Variants in NHSL1 observed in about 807,000 individuals in gnomAD.
NHSL1 encodes NHS-like protein 1.
A neutral mutation model predicts 95.0 loss-of-function variants in NHSL1; 48 were observed. The observed-to-expected ratio is 0.51, with a 90% CI of 0.40 to 0.64. The LOEUF (loss-of-function observed/expected upper bound fraction) is 0.64. NHSL1 is among the 30% of genes least tolerant of loss of function. NHSL1 has a pLI of 0.00. For synonymous variants in NHSL1, 783 were observed against 833.9 expected (o/e 0.94, Z 1.05); for missense variants, 1,971 against 2,077.7 (o/e 0.95, Z 1.00).
intron 1 of NHSL1, among the ~76,000 whole-genome samples, chr6:138,668,461 T>C (rs1408719742): frequency 6.6e-6 from 1 of 151,880 alleles, no homozygotes; most frequent in African/African-American, 2.4e-5. Flanking sequence ...AGAAAAGAAA[T>C]TGTTTTGCTA....
chr6:138,621,714 C>T (rs879639958), intron 1 of NHSL1, among the ~76,000 whole-genome samples: 8 of 152,048 alleles, frequency 5.3e-5, no homozygotes, highest in Admixed American at 3.3e-4. Context: ...ATGATCTGTC[C>T]GCCTCAAATG....
intron 5 of NHSL1, among the ~76,000 whole-genome samples, chr6:138,438,831 C>T (rs1295244869): frequency 6.6e-6 from 1 of 151,924 alleles, no homozygotes; most frequent in African/African-American, 2.4e-5. Flanking sequence ...TTAGATGAGG[C>T]CTTTTCTGCT....
intron 3 of NHSL1, among the ~76,000 whole-genome samples, chr6:138,454,122 C>T (rs895299463): frequency 6.6e-6 from 1 of 152,150 alleles, no homozygotes; most frequent in Non-Finnish European, 1.5e-5. Flanking sequence ...CATCCCATCT[C>T]CCTACTTCCC....
Position 138,452,721 on chromosome 6 carries a change from G to C in NHSL1, c.340-5528C>G, listed in dbSNP as rs544710607. Among the ~76,000 whole-genome samples the C allele has an allele frequency of 8.5e-5, 13 of 152,280 alleles. No individual in the cohort carries two copies. The South Asian group carries it at 2.7e-3, about 32-fold the overall frequency. ...TTTCAAGATCCTTAATAGTTTCATA[G>C]GGTGCCAAAACGTCTGCAGCCTTTT... On this transcript the variant is annotated intron_variant, in intron 3 of 7. Transcript: ENST00000343505.
intron 1 of NHSL1, among the ~76,000 whole-genome samples, chr6:138,667,607 C>T (rs997739872): frequency 8.5e-5 from 13 of 152,280 alleles, no homozygotes; most frequent in Middle Eastern, 3.4e-3. Flanking sequence ...GTTTGTTCAA[C>T]CACAATGTTT....
chr6:138,457,359 CT>C (rs1375727332), intron 3 of NHSL1, among the ~76,000 whole-genome samples: 1 of 82,280 alleles, frequency 1.2e-5, no homozygotes, highest in Non-Finnish European at 2.7e-5. Flanking sequence ...AGCAAAACAT[CT>C]TTCTTCATAA....
intron 3 of NHSL1, among the ~76,000 whole-genome samples, chr6:138,453,500 G>A (rs569374378): frequency 4.1e-4 from 62 of 151,714 alleles, no homozygotes; most frequent in African/African-American, 1.4e-3. Flanking sequence ...GAGTATGGAT[G>A]TGCATCAGCG....
chr6:138,590,892 T>C (rs1378015623), intron 1 of NHSL1, among the ~76,000 whole-genome samples: 3 of 152,204 alleles, frequency 2.0e-5, no homozygotes. Context: ...AGCTTTAGTC[T>C]TTTCCTTTCC....
At chr6:138,651,825 A>G (rs1314492856) in intron 1 of NHSL1, among the ~76,000 whole-genome samples, 1 of 152,242 alleles carries the variant, frequency 6.6e-6, no homozygotes, top group East Asian at 1.9e-4. Flanking sequence ...CCAAACATAA[A>G]TGAGATCAAT....
At chr6:138,513,038 C>T (rs563987505) in intron 1 of NHSL1, among the ~76,000 whole-genome samples, 4 of 152,218 alleles carry the variant, frequency 2.6e-5, no homozygotes, top group African/African-American at 4.8e-5. Flanking sequence ...ACTTGATGTG[C>T]TATGTGTTCT....
chr6:138,505,532 G>A (rs1175666264), intron 1 of NHSL1, among the ~76,000 whole-genome samples: 1 of 151,796 alleles, frequency 6.6e-6, no homozygotes, highest in Non-Finnish European at 1.5e-5. Context: ...GCACGTGCCT[G>A]TAGTCTCAGC....
At chr6:138,674,588 C>A (rs1785424006) in intron 1 of NHSL1, among the ~76,000 whole-genome samples, 1 of 152,124 alleles carries the variant, frequency 6.6e-6, no homozygotes, top group African/African-American at 2.4e-5. Flanking sequence ...TCCACTCCTG[C>A]ATTAGTTTGC....
At chr6:138,625,413 C>T (rs1784723478) in intron 1 of NHSL1, among the ~76,000 whole-genome samples, 1 of 151,960 alleles carries the variant, frequency 6.6e-6, no homozygotes, top group Non-Finnish European at 1.5e-5. Flanking sequence ...AAAGTGTGAA[C>T]TGTTAATTTG....
rs1234584333 is a variant in NHSL1, at chr6:138,424,521, G to C, written c.4381C>G (p.Pro1461Ala). Reference sequence around the variant, plus strand: ...GGGGAGCAGCTTGACGGGCTCTCGGGGGCATCTGGGGAAGGCTCTGACCTC... The same window carrying C: ...GGGGAGCAGCTTGACGGGCTCTCGGCGGCATCTGGGGAAGGCTCTGACCTC... ...RSRSEPSPDA[P>A]ESPSSCSPSK... is the part of the protein sequence containing the mutation. Residue 1461 changes from proline to alanine, a missense_variant, in exon 8 of 8, where the codon CCC becomes GCC. Pro to Ala is a conservative substitution (Grantham distance 27). Coordinates refer to ENST00000343505, the MANE Select transcript of NHSL1 (RefSeq NM_001144060.2). The surrounding 1 kb of genome is among the most constrained non-coding windows in gnomAD (Gnocchi z 5.9). 6.4e-7 allele frequency: 1 copy of C among 1,551,660 alleles called. No homozygotes were observed. The highest frequency in any genetic ancestry group is 1.2e-5 in the South Asian group (1 of 84,048).
At chr6:138,487,714 A>G (rs1779809941) in intron 2 of NHSL1, among the ~76,000 whole-genome samples, 1 of 152,214 alleles carries the variant, frequency 6.6e-6, no homozygotes, top group African/African-American at 2.4e-5. Context: ...CTGACTTCCA[A>G]TATCCTGCAG....
intron 1 of NHSL1, among the ~76,000 whole-genome samples, chr6:138,619,594 G>A (rs986150957): frequency 6.6e-6 from 1 of 152,142 alleles, no homozygotes; most frequent in Non-Finnish European, 1.5e-5. Flanking sequence ...CAAGTTTGAG[G>A]AGTGTACAAA....
At chr6:138,681,332 C>A (rs1052274784) in intron 1 of NHSL1, among the ~76,000 whole-genome samples, 2 of 152,186 alleles carry the variant, frequency 1.3e-5, no homozygotes, top group Non-Finnish European at 2.9e-5. Context: ...AGGAGTGAGA[C>A]TTTTCACTGC....
In NHSL1 at chr6:138,604,545, T is replaced by C. The variant is rs566720696; in HGVS notation, c.96+87931A>G. ...CTGATTCTGCAACTAAAATAATGCCTGGCAGAAAGTAAAGAACTCAACAAT... is the reference window on the plus strand; with the variant it reads ...CTGATTCTGCAACTAAAATAATGCCCGGCAGAAAGTAAAGAACTCAACAAT... On this transcript the variant is annotated intron_variant, in intron 1 of 3. Coordinates refer to the NHSL1 transcript ENST00000491526. Among the ~76,000 whole-genome samples the C allele has an allele frequency of 7.2e-5, 11 of 152,344 alleles. No individual in the cohort carries two copies. In the East Asian group the frequency reaches 1.7e-3, roughly 24 times the overall value.
chr6:138,493,545 C>T (rs1780190282), intron 2 of NHSL1, among the ~76,000 whole-genome samples: 1 of 152,196 alleles, frequency 6.6e-6, no homozygotes, highest in South Asian at 2.1e-4. Flanking sequence ...CAAAAACAGT[C>T]GAGCCTGACT....
Sources: allele counts gnomAD v4.1 joint callset (sites outside exome capture counted in the v4.1 genomes callset), GRCh38; gene constraint gnomAD v4.1.1; non-coding constraint Gnocchi (gnomAD v3.1); transcripts MANE v1.5; gene names NCBI Gene and HGNC (gene_info 2026-07-23, HGNC 2026-07-21).